Variants in CSMD1 observed in about 807,000 individuals in gnomAD.
CSMD1 encodes the protein CUB and Sushi multiple domains 1, also known as CUB and sushi domain-containing protein 1.
Under a neutral mutation model 417.5 loss-of-function variants are expected in CSMD1, and 213 were observed. The observed-to-expected ratio is 0.51, with a 90% CI of 0.46 to 0.57. The LOEUF is 0.57. Among genes scored for constraint, CSMD1 ranks in the 20% least tolerant of loss-of-function variants. The pLI is 0.00. For synonymous variants in CSMD1, 2,862 were observed against 1,736.8 expected, an observed-to-expected ratio of 1.65 and a Z score of -16.11; for missense variants, 6,923 against 4,529.7, an observed-to-expected ratio of 1.53 and a Z score of -15.17.
At chr8:3,561,314 C>T (rs1047954828) in intron 10 of CSMD1, among the ~76,000 whole-genome samples, 4 of 152,116 alleles carry the variant, frequency 2.6e-5, no homozygotes, top group South Asian at 2.1e-4. Flanking sequence ...AATCATTCTA[C>T]GAAAAAGACA....
At chr8:4,565,592 G>A (rs1262609587) in intron 2 of CSMD1, among the ~76,000 whole-genome samples, 1 of 151,632 alleles carries the variant, frequency 6.6e-6, no homozygotes, top group African/African-American at 2.4e-5. Context: ...AAAATTAGCT[G>A]GGTGTGCTTA....
chr8:4,093,892 A>T (rs1443525283), intron 3 of CSMD1, among the ~76,000 whole-genome samples: 1 of 152,130 alleles, frequency 6.6e-6, no homozygotes, highest in Admixed American at 6.5e-5. Context: ...CGCAGGAGGC[A>T]GAGGTTTCAG....
intron 41 of CSMD1, among the ~76,000 whole-genome samples, chr8:3,140,821 A>G (rs1157378915): frequency 6.6e-6 from 1 of 152,250 alleles, no homozygotes; most frequent in Non-Finnish European, 1.5e-5. Flanking sequence ...TTTGCATGAA[A>G]TTAAAATGTT....
chr8:3,897,341 A>G (rs912930081), intron 5 of CSMD1, among the ~76,000 whole-genome samples: 1 of 152,194 alleles, frequency 6.6e-6, no homozygotes. Context: ...TTTCTCTTAT[A>G]AGCAGTGTGC....
At chr8:4,840,858 A>G (rs1030351701) in intron 1 of CSMD1, among the ~76,000 whole-genome samples, 2 of 152,260 alleles carry the variant, frequency 1.3e-5, no homozygotes, top group Admixed American at 6.5e-5. Flanking sequence ...ATTAATAAAA[A>G]TACATTCTTG....
At chr8:4,354,961 C>A (rs1801327106) in intron 3 of CSMD1, among the ~76,000 whole-genome samples, 1 of 150,998 alleles carries the variant, frequency 6.6e-6, no homozygotes, top group East Asian at 2.0e-4. Flanking sequence ...TCCACCCAAA[C>A]CCATGTTTAG....
rs376453806 is a variant in CSMD1 at position 4,081,995 on chromosome 8, GA to G, written c.416-49897del. Among the ~76,000 whole-genome samples the G allele has an allele frequency of 1.0e-3, 159 of 151,890 alleles. 2 individuals are homozygous for G. In the South Asian group the frequency reaches 0.031, roughly 30 times the overall value. ...AGATTCTGCCTCAGGAAGTTAATAGGAAAAAAATATATAAAATTTTAAAAGG... is the reference window on the plus strand; with the variant it reads ...AGATTCTGCCTCAGGAAGTTAATAGGAAAAAATATATAAAATTTTAAAAGG... On this transcript the variant is annotated intron_variant, in intron 3 of 69. Coordinates refer to ENST00000635120, the MANE Select transcript of CSMD1 (RefSeq NM_033225.6).
At chr8:4,175,363 G>A (rs1010452632) in intron 3 of CSMD1, among the ~76,000 whole-genome samples, 1 of 152,088 alleles carries the variant, frequency 6.6e-6, no homozygotes, top group African/African-American at 2.4e-5. Context: ...CTTTTTAACA[G>A]TGTTGGGCTC....
At chr8:4,563,252 T>G (rs1173243514) in intron 2 of CSMD1, among the ~76,000 whole-genome samples, 2 of 151,992 alleles carry the variant, frequency 1.3e-5, no homozygotes, top group Admixed American at 1.3e-4. Context: ...ATACAAAAAA[T>G]TAGCCGGACA....
chr8:2,947,888 G>C (rs922390649), intron 68 of CSMD1, among the ~76,000 whole-genome samples: 7 of 151,084 alleles, frequency 4.6e-5, no homozygotes, highest in Non-Finnish European at 8.8e-5. Flanking sequence ...TAATACTGTG[G>C]GTTGAATAGT....
chr8:4,078,337 G>A (rs1357563812), intron 3 of CSMD1, among the ~76,000 whole-genome samples: 1 of 141,070 alleles, frequency 7.1e-6, no homozygotes, highest in African/African-American at 2.7e-5. Flanking sequence ...TTTTTTGAGA[G>A]GGAGTCTTGC....
chr8:3,901,129 T>G (rs1231689201), intron 5 of CSMD1, among the ~76,000 whole-genome samples: 1 of 152,198 alleles, frequency 6.6e-6, no homozygotes, highest in Non-Finnish European at 1.5e-5. Flanking sequence ...GGGAGGGTCA[T>G]GAATGTACTG....
At chr8:4,432,747 G>C (rs983492866) in intron 2 of CSMD1, among the ~76,000 whole-genome samples, 6 of 152,120 alleles carry the variant, frequency 3.9e-5, no homozygotes, top group African/African-American at 1.2e-4. Flanking sequence ...TTTCAAACCA[G>C]GGCCATAGAG....
At chr8:4,196,004 G>A (rs548831311) in intron 3 of CSMD1, among the ~76,000 whole-genome samples, 21 of 152,150 alleles carry the variant, frequency 1.4e-4, no homozygotes, top group South Asian at 2.1e-4. Flanking sequence ...GAGGTCATGC[G>A]ATCGAGACCA....
intron 10 of CSMD1, among the ~76,000 whole-genome samples, chr8:3,513,200 T>C (rs941229649): frequency 1.3e-5 from 2 of 151,974 alleles, no homozygotes; most frequent in African/African-American, 4.8e-5. Flanking sequence ...GGGAAAAAAA[T>C]AGTTACATAC....
At chr8:4,444,682 C>T (rs1798677402) in intron 2 of CSMD1, among the ~76,000 whole-genome samples, 1 of 152,086 alleles carries the variant, frequency 6.6e-6, no homozygotes, top group South Asian at 2.1e-4. Context: ...ATGTTGAAAA[C>T]ATCAAAAAGC....
chr8:4,154,176 A>G (rs775542926), intron 3 of CSMD1, among the ~76,000 whole-genome samples: 1 of 152,224 alleles, frequency 6.6e-6, no homozygotes, highest in Non-Finnish European at 1.5e-5. Context: ...TAGGAGATCT[A>G]TAACCTTAGA....
chr8:3,620,147 T>G (rs570964241), intron 7 of CSMD1, among the ~76,000 whole-genome samples: 1 of 152,170 alleles, frequency 6.6e-6, no homozygotes, highest in South Asian at 2.1e-4. Context: ...GGATAATATA[T>G]TTAATTGCTG....
intron 49 of CSMD1, among the ~76,000 whole-genome samples, chr8:3,065,790 T>C (rs1308626870): frequency 2.0e-5 from 3 of 152,310 alleles, no homozygotes; most frequent in African/African-American, 7.2e-5. Context: ...CTAAAATGCA[T>C]GGATAAATCA....
Sources: gnomAD v4.1 joint callset for allele counts (sites outside exome capture counted in the v4.1 genomes callset) on GRCh38, gnomAD v4.1.1 for gene constraint, MANE v1.5 for transcripts, NCBI Gene and HGNC (gene_info 2026-07-23, HGNC 2026-07-21) for gene names.